QSOX2: variants seen among roughly 807,000 people sequenced by gnomAD.
QSOX2 encodes quiescin sulfhydryl oxidase 2.
Under a neutral mutation model 61.7 loss-of-function variants are expected in QSOX2, and 46 were observed. The ratio of observed to expected loss-of-function variants is 0.75; its 90% CI spans 0.59 to 0.95. QSOX2 has a LOEUF of 0.95. Among genes scored for constraint, QSOX2 ranks in the 40% least tolerant of loss-of-function variants. The pLI is 0.00. For synonymous variants in QSOX2, 383 were observed against 388.4 expected, an observed-to-expected ratio of 0.99 and a Z score of 0.16; for missense variants, 879 against 918.9, an observed-to-expected ratio of 0.96 and a Z score of 0.56.
chr9:136,231,249 G>A (rs368890043), intron 1 of QSOX2, among the ~76,000 whole-genome samples: 2 of 152,292 alleles, frequency 1.3e-5, no homozygotes, highest in East Asian at 1.9e-4. Context: ...CCTAACAGGC[G>A]TGCCCGACTC....
chr9:136,245,502 C>G lies in QSOX2; in HGVS notation c.302G>C (p.Trp101Ser). The part of the protein sequence containing the change: ...CGHCIGYAPT[W>S]RALAGDVRDW... Reference sequence around the variant, plus strand: ...TCGCACATCCCCAGCCAGGGCCCGCCAAGTGGGCGCGTAGCCGATGCAGTG... The same window carrying G: ...TCGCACATCCCCAGCCAGGGCCCGCGAAGTGGGCGCGTAGCCGATGCAGTG... Residue 101 changes from tryptophan to serine, a missense_variant, in exon 1 of 12, where the codon TGG (tryptophan) becomes TCG (serine). By Grantham distance (177) the Trp-to-Ser change is radical. Transcript: ENST00000358701. 6.3e-7 allele frequency: 1 copy of G among 1,593,676 alleles called. No individual in the cohort carries two copies. The highest frequency in any genetic ancestry group is 8.5e-7 in the Non-Finnish European group (1 of 1,177,310).
intron 1 of QSOX2, among the ~76,000 whole-genome samples, chr9:136,242,512 C>A (rs979265886): frequency 2.0e-5 from 3 of 152,252 alleles, no homozygotes; most frequent in East Asian, 1.9e-4. Flanking sequence ...TTGATCAGGG[C>A]CACAGGTGAC....
Position 136,236,646 on chromosome 9 carries a change from C to T in QSOX2, c.328+8830G>A, listed in dbSNP as rs535460252. ...AATAAAATACCGGGTGAATTCCCAG[C>T]GTCAGGAGTGCACATCTGAAGCCCG... On this transcript the variant is annotated intron_variant, in intron 1 of 11. Coordinates refer to ENST00000358701, the MANE Select transcript of QSOX2 (RefSeq NM_181701.4). Among the ~76,000 whole-genome samples, 48 of 152,374 alleles carry T rather than the reference C, an allele frequency of 3.2e-4. 1 individual carries two copies. Among genetic ancestry groups the T allele is most frequent in the South Asian group, 2.1e-3 (10 of 4,830 alleles).
At chr9:136,229,382 C>A (rs1203479160) in intron 1 of QSOX2, among the ~76,000 whole-genome samples, 2 of 152,272 alleles carry the variant, frequency 1.3e-5, no homozygotes, top group Admixed American at 1.3e-4. Flanking sequence ...CCCTCCACAG[C>A]CCCGGCTCCT....
Position 136,208,579 on chromosome 9 carries a change from C to G in QSOX2, c.*149G>C. The G allele has an allele frequency of 2.3e-6, 2 of 887,882 alleles. No homozygotes were observed. The highest frequency in any genetic ancestry group is 3.3e-6 in the Non-Finnish European group (2 of 612,804). 55.0% of individuals were successfully genotyped at this position (887,882 alleles called of 1,614,324 possible). A position where few individuals can be genotyped will look rare whatever the true frequency, so the allele number is the denominator to read the frequency against. ...CTTGTTAGAAGAGCGTTTGTAAAACCAGGACTTTGAAGCCAAAAGGTGCCA... is the reference window on the plus strand; with the variant it reads ...CTTGTTAGAAGAGCGTTTGTAAAACGAGGACTTTGAAGCCAAAAGGTGCCA... On this transcript the variant is annotated 3_prime_UTR_variant, in exon 12 of 12. Transcript: ENST00000358701.
At chr9:136,230,901 G>A (rs1157167303) in intron 1 of QSOX2, among the ~76,000 whole-genome samples, 1 of 152,054 alleles carries the variant, frequency 6.6e-6, no homozygotes, top group Non-Finnish European at 1.5e-5. Context: ...TCTCCTCCCT[G>A]GTGGAACTCT....
intron 10 of QSOX2, among the ~76,000 whole-genome samples, chr9:136,214,171 TA>T (rs1831881832): frequency 6.6e-6 from 1 of 152,208 alleles, no homozygotes; most frequent in Admixed American, 6.5e-5. Flanking sequence ...TCAGGGGGGA[TA>T]AAAAATCCAA....
Position 136,224,913 on chromosome 9 carries a change from A to C in QSOX2, c.430-4T>G. On this transcript the variant is annotated splice_polypyrimidine_tract_variant and splice_region_variant and intron_variant, in intron 2 of 11. Transcript: ENST00000358701. Reference sequence around the variant, plus strand: ...CCTTTGTAAATGCTTTAAAATACTAAGAGGAAAAACACAGAACAAGTAAGA... The same window carrying C: ...CCTTTGTAAATGCTTTAAAATACTACGAGGAAAAACACAGAACAAGTAAGA... 1.2e-6 allele frequency: 2 copies of C among 1,603,738 alleles called. No homozygotes were observed. The highest frequency in any genetic ancestry group is 8.5e-7 in the Non-Finnish European group (1 of 1,174,386).
In QSOX2 at chr9:136,226,668, G is replaced by A. The variant is rs545799712; in HGVS notation, c.429+106C>T. The A allele has an allele frequency of 3.4e-6, 3 of 889,484 alleles. No homozygotes were observed. The South Asian group carries it at 4.0e-5, about 12-fold the overall frequency. The allele number at this position is 889,484 out of a possible 1,614,324, so 55.1% of individuals were successfully genotyped here. ...AGAGCCAGAGAAGCCGAAAACACAG[G>A]CACTATGATGTGGCGAATTTCAACA... On this transcript the variant is annotated intron_variant, in intron 2 of 11. Transcript: ENST00000358701.
chr9:136,214,056 G>T (rs964781580), intron 10 of QSOX2, among the ~76,000 whole-genome samples: 11 of 152,200 alleles, frequency 7.2e-5, no homozygotes, highest in African/African-American at 2.4e-4. Flanking sequence ...AATCTTACTG[G>T]AAAGAGCGTT....
chr9:136,213,156 T>A (rs1032509896), intron 10 of QSOX2, among the ~76,000 whole-genome samples: 1 of 152,042 alleles, frequency 6.6e-6, no homozygotes, highest in Non-Finnish European at 1.5e-5. Context: ...GGGGATGGCA[T>A]GTCAGCTCAT....
Position 136,216,656 on chromosome 9 carries a change from G to C in QSOX2, c.1153C>G (p.Pro385Ala), listed in dbSNP as rs1019544482. The change falls in exon 9 of 12, where the codon CCC becomes GCC. Residue 385 changes from proline to alanine, a missense_variant. Transcript: ENST00000358701. ...EMLQEWLASLPLDRIPYNAVL... is the reference protein window; with the variant it reads ...EMLQEWLASLALDRIPYNAVL... ...GCGTTGTAGGGGATCCTGTCCAGGG[G>C]AAGGCTGGCCAGCCACTCCTGCAGC... 5.6e-6 allele frequency: 9 copies of C among 1,613,724 alleles called. No individual in the cohort carries two copies. The highest frequency in any genetic ancestry group is 7.6e-6 in the Non-Finnish European group (9 of 1,180,002).
In QSOX2 at chr9:136,209,289, G is replaced by A; in HGVS notation, c.1550-14C>T. 9 of 1,606,004 alleles carry A rather than the reference G, an allele frequency of 5.6e-6. No homozygotes were observed. Among genetic ancestry groups the A allele is most frequent in the Non-Finnish European group, 7.7e-6 (9 of 1,174,698 alleles). ...CACTCAGATGGCCTAGGAAGAAAAG[G>A]AAGCGGGAGAGCCAGAGGGAAGGAG... On this transcript the variant is annotated splice_polypyrimidine_tract_variant and intron_variant, in intron 11 of 11. Transcript: ENST00000358701. This position sits in a 1 kb window ranked among gnomAD's most constrained non-coding sequence, Gnocchi z 5.6.
intron 7 of QSOX2, 56 bp downstream of exon 7, chr9:136,218,974 A>T: frequency 6.3e-7 from 1 of 1,595,312 alleles, no homozygotes; most frequent in Non-Finnish European, 8.6e-7. Context: ...GCAAGCACGC[A>T]GCCTTCGGTC....
Position 136,234,203 on chromosome 9 carries a change from GCTTC to G in QSOX2, c.329-7333_329-7330del, listed in dbSNP as rs1245586632. On this transcript the variant is annotated intron_variant, in intron 1 of 11. Coordinates refer to ENST00000358701, the MANE Select transcript of QSOX2 (RefSeq NM_181701.4). Reference sequence around the variant, plus strand: ...CTCTTTTGTGCGACGATCTTCTCTAGCTTCCTTTACTGTAAGAACACAGTACGGA... The same window carrying G: ...CTCTTTTGTGCGACGATCTTCTCTAGCTTTACTGTAAGAACACAGTACGGA... Among the ~76,000 whole-genome samples, 12 of 152,364 alleles carry G rather than the reference GCTTC, an allele frequency of 7.9e-5. No homozygotes were observed. In the Middle Eastern group the frequency reaches 0.014, roughly 173 times the overall value.
intron 1 of QSOX2, among the ~76,000 whole-genome samples, chr9:136,228,016 T>C (rs899435564): frequency 1.3e-5 from 2 of 152,176 alleles, no homozygotes; most frequent in African/African-American, 2.4e-5. Flanking sequence ...CCAGCGAGGC[T>C]TGTTGGTTAC....
rs771678405 is a variant in QSOX2 at position 136,224,051 on chromosome 9, C to T, written c.540G>A (p.Thr180=). ...GGCAGGCAGGGGGCCGGCTTCCTTC[C>T]GTGTGGTTCTGCAGGAAGTCAATCA... ...QTMIDFLQNH[T]EGSRPPACPR... Residue 180 remains threonine (T), a synonymous_variant, in exon 4 of 12, where the codon ACG becomes ACA. Transcript: ENST00000358701. The T allele has an allele frequency of 1.4e-5, 23 of 1,613,994 alleles. No individual in the cohort carries two copies. The highest frequency in any genetic ancestry group is 1.7e-5 in the Non-Finnish European group (20 of 1,179,988).
intron 1 of QSOX2, among the ~76,000 whole-genome samples, chr9:136,236,311 G>A (rs1423062143): frequency 6.6e-6 from 1 of 152,132 alleles, no homozygotes; most frequent in Non-Finnish European, 1.5e-5. Context: ...CGCACGGTGT[G>A]CGGAGATGGG....
Position 136,223,541 on chromosome 9 carries a change from C to G in QSOX2, c.675+222G>C, listed in dbSNP as rs1442193374. Among the ~76,000 whole-genome samples the G allele has an allele frequency of 1.3e-5, 2 of 152,190 alleles. No homozygotes were observed. Among genetic ancestry groups the G allele is most frequent in the Admixed American group, 6.5e-5 (1 of 15,284 alleles). Reference sequence around the variant, plus strand: ...ACCTAGGGTTAGGCCACCTTCTGAACCCCTCCCACCGCCAAGCTCATTCAT... The same window carrying G: ...ACCTAGGGTTAGGCCACCTTCTGAAGCCCTCCCACCGCCAAGCTCATTCAT... On this transcript the variant is annotated intron_variant, in intron 5 of 11. Coordinates refer to ENST00000358701, the MANE Select transcript of QSOX2 (RefSeq NM_181701.4). This position sits in a 1 kb window ranked among gnomAD's most constrained non-coding sequence, Gnocchi z 4.4.
Sources: gnomAD v4.1 joint callset for allele counts (sites outside exome capture counted in the v4.1 genomes callset) on GRCh38, gnomAD v4.1.1 for gene constraint, Gnocchi (gnomAD v3.1) non-coding constraint, MANE v1.5 for transcripts, NCBI Gene and HGNC (gene_info 2026-07-23, HGNC 2026-07-21) for gene names.